The following SETDB1 variants were observed in gnomAD, a reference collection of about 807,000 sequenced individuals.
SETDB1 encodes the protein histone-lysine N-methyltransferase SETDB1.
Under a neutral mutation model 137.4 loss-of-function variants are expected in SETDB1, and 31 were observed. The observed-to-expected ratio is 0.23, with a 90% CI of 0.17 to 0.30. The LOEUF is 0.30. Ranked by LOEUF, SETDB1 falls within the 10% of genes least tolerant of loss-of-function variation. The pLI, the probability that SETDB1 is intolerant of heterozygous loss-of-function variation, is 1.00. For synonymous variants in SETDB1, 548 were observed against 579.9 expected, an observed-to-expected ratio of 0.95 and a Z score of 0.79; for missense variants, 1,113 against 1,631.5, an observed-to-expected ratio of 0.68 and a Z score of 5.47.
chr1:150,943,657 C>G (rs1259428558), intron 7 of SETDB1, among the ~76,000 whole-genome samples: 6 of 152,162 alleles, frequency 3.9e-5, no homozygotes, highest in African/African-American at 1.4e-4. Flanking sequence ...GCCTGGGCGA[C>G]AGAAGGAGAC....
At position 150,950,505 on chromosome 1, in the gene SETDB1, C is replaced by T. The variant is rs1479277195; in HGVS notation, c.1631C>T (p.Pro544Leu). The change falls in exon 13 of 22, where the codon CCG becomes CTG. Residue 544 changes from proline to leucine, a missense_variant. Physicochemically the swap from Pro to Leu is moderately conservative, Grantham distance 98. Around this residue, in one of 11 missense-constraint regions of SETDB1, gnomAD observed 192 missense variants for 198.1 expected, o/e 0.97. Coordinates refer to ENST00000692827, the MANE Select transcript of SETDB1 (RefSeq NM_001366418.1). Reference protein sequence around the residue: ...TASAPAPSALPAPPAPPVFHG... With the variant: ...TASAPAPSALLAPPAPPVFHG... ...TCTGCCCCAGCACCCTCAGCACTCC[C>T]GGCCCCTCCAGCACCCCCAGTCTTC... is the stretch of plus-strand genomic sequence containing the variant. The T allele has an allele frequency of 5.1e-5, 83 of 1,612,582 alleles. No individual in the cohort carries two copies. The Admixed American group carries it at 1.3e-3, about 24-fold the overall frequency.
At chr1:150,951,565 A>T (rs1670490960) in intron 14 of SETDB1, 84 bp downstream of exon 14, 5 of 725,328 alleles carry the variant, frequency 6.9e-6, no homozygotes, top group Non-Finnish European at 9.3e-6. Flanking sequence ...AATCATCAGA[A>T]ATCTAAAAAT....
chr1:150,962,531 A>G, intron 17 of SETDB1, 56 bp from the exon 18 acceptor site: 1 of 1,563,854 alleles, frequency 6.4e-7, no homozygotes, highest in East Asian at 2.2e-5. Flanking sequence ...AACCTAGGCT[A>G]GAAGCCTAAG....
intron 10 of SETDB1, among the ~76,000 whole-genome samples, chr1:150,947,988 T>C (rs1369030421): frequency 6.6e-6 from 1 of 151,850 alleles, no homozygotes; most frequent in African/African-American, 2.4e-5. Flanking sequence ...TCTCAGCACT[T>C]TGGGAGGCTG....
rs201447183 is a variant in SETDB1, at chr1:150,962,670, G to T, written c.3245G>T (p.Ser1082Ile). The T allele has an allele frequency of 2.5e-6, 4 of 1,614,070 alleles. No individual in the cohort carries two copies. In the East Asian group the frequency reaches 8.9e-5, roughly 36 times the overall value. Residue 1082 changes from serine (S) to isoleucine (I), a missense_variant, in exon 18 of 22, where the codon AGT becomes ATT. By Grantham distance (142) the Ser-to-Ile change is moderately radical. Transcript: ENST00000692827. ...CTTCGCCGCCCACCTAGTAAGACTAGTATGCATCAAAGCCGAAGACTCATG... is the reference window on the plus strand; with the variant it reads ...CTTCGCCGCCCACCTAGTAAGACTATTATGCATCAAAGCCGAAGACTCATG... ...EGLRRPPSKT[S>I]MHQSRRLMAS...
At position 150,948,197 on chromosome 1, in the gene SETDB1, T is replaced by TCAGCCTGAG. The variant is rs1401415197; in HGVS notation, c.1268-924_1268-916dup. 3.3e-5 allele frequency among the ~76,000 whole-genome samples: 5 copies of TCAGCCTGAG among 151,722 alleles called. No individual in the cohort carries two copies. The East Asian group carries it at 9.6e-4, about 29-fold the overall frequency. On this transcript the variant is annotated intron_variant, in intron 10 of 21. Transcript: ENST00000692827. ...TGAGCTAAGGTCACACCGCTGCACT[T>TCAGCCTGAG]CAGCCTGAGTAACAAAGTGGAACAC... is the stretch of plus-strand genomic sequence containing the variant.
intron 9 of SETDB1, among the ~76,000 whole-genome samples, chr1:150,945,787 G>A (rs1274424044): frequency 6.6e-6 from 1 of 151,934 alleles, no homozygotes; most frequent in South Asian, 2.1e-4. Flanking sequence ...GCAATGGCAC[G>A]ATCTCGGCTC....
chr1:150,951,637 C>A (rs1025734532), intron 14 of SETDB1, among the ~76,000 whole-genome samples, 156 bp downstream of exon 14: 1 of 152,150 alleles, frequency 6.6e-6, no homozygotes, highest in Non-Finnish European at 1.5e-5. Flanking sequence ...TTCATGACTT[C>A]CAAAACACAT....
intron 1 of SETDB1, 173 bp downstream of exon 1, chr1:150,926,690 G>A (rs1264054501): frequency 1.9e-6 from 1 of 526,874 alleles, no homozygotes; most frequent in Admixed American, 2.0e-5. Flanking sequence ...GGTAGCACGG[G>A]GGTGGGCTGG....
At chr1:150,941,094 T>A (rs1196356326) in intron 4 of SETDB1, among the ~76,000 whole-genome samples, 1 of 151,326 alleles carries the variant, frequency 6.6e-6, no homozygotes, top group Non-Finnish European at 1.5e-5. Context: ...ACCCAGGAAG[T>A]GGAGGTTATG....
chr1:150,958,254 C>CTTTTTTTTTTT (rs374122454), intron 14 of SETDB1, among the ~76,000 whole-genome samples: 3 of 94,068 alleles, frequency 3.2e-5, no homozygotes, highest in Non-Finnish European at 6.1e-5. Context: ...TTTCTTTTTT[C>CTTTTTTTTTTT]TTTTTTTTTT....
chr1:150,964,615 A>G lies in SETDB1; in HGVS notation c.*251A>G, dbSNP rs1201953318. 3.1e-6 allele frequency: 2 copies of G among 648,258 alleles called. No individual in the cohort carries two copies. Among genetic ancestry groups the G allele is most frequent in the African/African-American group, 3.6e-5 (2 of 55,520 alleles). The allele number at this position is 648,258 out of a possible 1,614,324, so 40.2% of individuals were successfully genotyped here. On this transcript the variant is annotated 3_prime_UTR_variant, in exon 22 of 22. Coordinates refer to ENST00000692827, the MANE Select transcript of SETDB1 (RefSeq NM_001366418.1). Reference sequence around the variant, plus strand: ...CTAACCTCGGCCTGACATCCCTCCCATCCCATATTTGTCCAAGTGTTCCTG... The same window carrying G: ...CTAACCTCGGCCTGACATCCCTCCCGTCCCATATTTGTCCAAGTGTTCCTG...
chr1:150,952,868 CAA>C (rs1009836507), intron 14 of SETDB1, among the ~76,000 whole-genome samples: 49 of 151,622 alleles, frequency 3.2e-4, no homozygotes, highest in African/African-American at 1.1e-3. Flanking sequence ...GCCTGGGCAA[CAA>C]GAGCGAAACT....
At chr1:150,953,483 A>C (rs1670554083) in intron 14 of SETDB1, among the ~76,000 whole-genome samples, 2 of 150,858 alleles carry the variant, frequency 1.3e-5, no homozygotes, top group Non-Finnish European at 2.9e-5. Context: ...CCAAGACCGC[A>C]CCATTGCACT....
At chr1:150,941,037 CTTGTAA>C (rs1291659518) in intron 4 of SETDB1, among the ~76,000 whole-genome samples, 1 of 151,610 alleles carries the variant, frequency 6.6e-6, no homozygotes. Flanking sequence ...GTGGCGCATG[CTTGTAA>C]TTCCAGCTAC....
At chr1:150,951,271 T>C in intron 13 of SETDB1, 94 bp from the exon 14 acceptor site, 6 of 1,131,788 alleles carry the variant, frequency 5.3e-6, no homozygotes, top group Non-Finnish European at 7.9e-6. Context: ...GAGTCTGACA[T>C]GGCCACACTG....
chr1:150,945,520 C>A (rs1265929229), intron 9 of SETDB1, among the ~76,000 whole-genome samples: 3 of 151,982 alleles, frequency 2.0e-5, no homozygotes, highest in Admixed American at 6.6e-5. Flanking sequence ...TCCTTTTCTC[C>A]CTTCTCTCTC....
intron 5 of SETDB1, 38 bp downstream of exon 5, chr1:150,941,466 G>A (rs1374344844): frequency 2.4e-6 from 3 of 1,235,564 alleles, no homozygotes; most frequent in Admixed American, 3.5e-5. Flanking sequence ...GATGGGAGGT[G>A]AATTCTTACA....
chr1:150,955,539 T>C lies in SETDB1; in HGVS notation c.2334-3639T>C, dbSNP rs587774902. Among the ~76,000 whole-genome samples, 11 of 152,316 alleles carry C rather than the reference T, an allele frequency of 7.2e-5. No homozygotes were observed. The South Asian group carries it at 2.3e-3, about 32-fold the overall frequency. On this transcript the variant is annotated intron_variant, in intron 14 of 21. Transcript: ENST00000692827. ...CACTTTTCTTTGTGTGGCTATCTTCTTTAACCTTGAGCTTTCAGCTGTAAA... is the reference window on the plus strand; with the variant it reads ...CACTTTTCTTTGTGTGGCTATCTTCCTTAACCTTGAGCTTTCAGCTGTAAA...
Sources: gnomAD v4.1 joint callset for allele counts (sites outside exome capture counted in the v4.1 genomes callset) on GRCh38, gnomAD v4.1.1 for gene constraint, gnomAD v4.1.1 regional missense constraint, MANE v1.5 for transcripts, NCBI Gene and HGNC (gene_info 2026-07-23, HGNC 2026-07-21) for gene names.